DCC: variants seen among roughly 807,000 people sequenced by gnomAD.
DCC encodes the protein netrin receptor DCC.
A neutral mutation model predicts 172.5 loss-of-function variants in DCC; 58 were observed. The ratio of observed to expected loss-of-function variants is 0.34; its 90% CI spans 0.27 to 0.42. DCC has a LOEUF of 0.42. Among genes scored for constraint, DCC ranks in the 10% least tolerant of loss-of-function variants. The pLI is 1.00. For missense variants in DCC, 1,740 were observed against 1,791.0 expected (o/e 0.97, Z 0.51); for synonymous variants, 709 against 644.5 (o/e 1.10, Z -1.52).
rs542972352 is a variant in DCC at position 53,264,426 on chromosome 18, A to T, written c.1912-41152A>T. ...AGAAGGTGGAGGTTGCAGTGAGCTG[A>T]GATTGCGCCACTGCACTCCACCCTG... On this transcript the variant is annotated intron_variant, in intron 12 of 28. Coordinates refer to ENST00000442544, the MANE Select transcript of DCC (RefSeq NM_005215.4). Among the ~76,000 whole-genome samples, 319 of 146,112 alleles carry T rather than the reference A, an allele frequency of 2.2e-3. 1 individual carries two copies. Among genetic ancestry groups the T allele is most frequent in the African/African-American group, 7.8e-3 (303 of 39,014 alleles).
At chr18:53,076,333 C>T (rs1359044655) in intron 7 of DCC, among the ~76,000 whole-genome samples, 1 of 152,094 alleles carries the variant, frequency 6.6e-6, no homozygotes, top group African/African-American at 2.4e-5. Flanking sequence ...CTACTTTAAT[C>T]TCTTGTGTTT....
chr18:53,425,270 A>G (rs1012870722), intron 21 of DCC, among the ~76,000 whole-genome samples: 3 of 151,596 alleles, frequency 2.0e-5, no homozygotes, highest in Non-Finnish European at 4.4e-5. Flanking sequence ...CTCAAGTCAT[A>G]CATACCTAAA....
At chr18:52,928,479 A>G (rs1348181710) in intron 5 of DCC, among the ~76,000 whole-genome samples, 2 of 152,212 alleles carry the variant, frequency 1.3e-5, no homozygotes, top group African/African-American at 4.8e-5. Context: ...GTAATATAAT[A>G]CAGTTAATAT....
intron 5 of DCC, among the ~76,000 whole-genome samples, chr18:52,997,782 T>A (rs950147438): frequency 4.6e-5 from 7 of 152,036 alleles, no homozygotes; most frequent in Non-Finnish European, 1.0e-4. Context: ...TCCAAACGAG[T>A]ATTCGCAGTT....
chr18:52,408,062 TA>T (rs1206163224), intron 1 of DCC, among the ~76,000 whole-genome samples: 1 of 152,076 alleles, frequency 6.6e-6, no homozygotes, highest in African/African-American at 2.4e-5. Flanking sequence ...TATGAGAAAA[TA>T]AATGACAATA....
In DCC at chr18:53,357,196, T is replaced by C. The variant is rs1252305445; in HGVS notation, c.2359+17289T>C. Among the ~76,000 whole-genome samples, 4 of 152,314 alleles carry C rather than the reference T, an allele frequency of 2.6e-5. No homozygotes were observed. The East Asian group carries it at 5.8e-4, about 22-fold the overall frequency. On this transcript the variant is annotated intron_variant, in intron 15 of 28. Transcript: ENST00000442544. ...GTACCAAAAATGCCAAACTGCATTA[T>C]ATCTATTTCCTGATTTCTGCCACAA...
chr18:52,822,260 A>G (rs1598838944), intron 2 of DCC, among the ~76,000 whole-genome samples: 2 of 152,324 alleles, frequency 1.3e-5, no homozygotes, highest in South Asian at 4.1e-4. Context: ...TCCAACAGGC[A>G]ATACCACTGA....
At chr18:52,735,268 C>T (rs2036707272) in intron 1 of DCC, among the ~76,000 whole-genome samples, 1 of 152,112 alleles carries the variant, frequency 6.6e-6, no homozygotes, top group South Asian at 2.1e-4. Context: ...CTCATCCCTC[C>T]AGGGCTCACT....
At position 53,530,530 on chromosome 18, in the gene DCC, T is replaced by G. The variant is rs775124830; in HGVS notation, c.4255-34T>G. 18 of 1,136,432 alleles carry G rather than the reference T, an allele frequency of 1.6e-5. No homozygotes were observed. The African/African-American group carries it at 2.3e-4, about 14-fold the overall frequency. The allele number at this position is 1,136,432 out of a possible 1,614,324, so 70.4% of individuals were successfully genotyped here. A position where few individuals can be genotyped will look rare whatever the true frequency, so the allele number is the denominator to read the frequency against. The stretch of plus-strand genomic sequence containing the variant: ...TTCATAAAAGAAATGGATCAATATT[T>G]GTTACTAACTCTTGGCTCTCATTCT... On this transcript the variant is annotated intron_variant, in intron 28 of 28. Coordinates refer to ENST00000442544, the MANE Select transcript of DCC (RefSeq NM_005215.4).
chr18:53,306,230 C>T (rs1381578573), intron 13 of DCC, among the ~76,000 whole-genome samples: 2 of 152,116 alleles, frequency 1.3e-5, no homozygotes, highest in Non-Finnish European at 2.9e-5. Context: ...GATCAACCTT[C>T]TCTATGAAAA....
intron 1 of DCC, among the ~76,000 whole-genome samples, chr18:52,519,914 G>A (rs1380685226): frequency 1.3e-5 from 2 of 152,154 alleles, no homozygotes; most frequent in African/African-American, 4.8e-5. Context: ...TGGAGGACAG[G>A]GAGGAAACTG....
intron 7 of DCC, among the ~76,000 whole-genome samples, chr18:53,090,203 GA>G (rs2042981950): frequency 6.6e-6 from 1 of 152,144 alleles, no homozygotes; most frequent in Non-Finnish European, 1.5e-5. Context: ...AGAAATACAA[GA>G]AAATGTTCTT....
chr18:53,180,566 G>C (rs1390563586), intron 9 of DCC, among the ~76,000 whole-genome samples: 1 of 152,130 alleles, frequency 6.6e-6, no homozygotes, highest in Non-Finnish European at 1.5e-5. Context: ...CTGCTCCCAG[G>C]TTTCTGTTCT....
intron 1 of DCC, among the ~76,000 whole-genome samples, chr18:52,642,649 A>T (rs1320005093): frequency 6.6e-6 from 1 of 151,956 alleles, no homozygotes; most frequent in Admixed American, 6.6e-5. Context: ...AAAAATCTTC[A>T]ATTTTAATTT....
At chr18:53,434,412 G>A (rs1188139831) in intron 21 of DCC, among the ~76,000 whole-genome samples, 1 of 152,116 alleles carries the variant, frequency 6.6e-6, no homozygotes, top group Non-Finnish European at 1.5e-5. Flanking sequence ...TATCTGTGGT[G>A]AAACACCATT....
At chr18:52,684,064 G>A (rs969322148) in intron 1 of DCC, among the ~76,000 whole-genome samples, 1 of 151,976 alleles carries the variant, frequency 6.6e-6, no homozygotes. Flanking sequence ...TTTCCATGAC[G>A]CTTAAAAACG....
chr18:52,960,725 TC>T (rs2040829841), intron 5 of DCC, among the ~76,000 whole-genome samples: 1 of 152,126 alleles, frequency 6.6e-6, no homozygotes, highest in Non-Finnish European at 1.5e-5. Flanking sequence ...TGGCTTCCTC[TC>T]CCTCTTTAAT....
At chr18:53,514,249 C>T (rs1249544946) in intron 27 of DCC, among the ~76,000 whole-genome samples, 6 of 152,102 alleles carry the variant, frequency 3.9e-5, no homozygotes, top group Admixed American at 2.0e-4. Flanking sequence ...TTCTTTGAAA[C>T]CAACGAGAAC....
intron 1 of DCC, among the ~76,000 whole-genome samples, chr18:52,651,607 A>C (rs546390481): frequency 6.6e-6 from 1 of 151,742 alleles, no homozygotes; most frequent in East Asian, 1.9e-4. Flanking sequence ...ATATTGCATC[A>C]TATTATATAG....
Sources: gnomAD v4.1 joint callset for allele counts (sites outside exome capture counted in the v4.1 genomes callset) on GRCh38, gnomAD v4.1.1 for gene constraint, MANE v1.5 for transcripts, NCBI Gene and HGNC (gene_info 2026-07-23, HGNC 2026-07-21) for gene names.